The following NOL4 variants were observed in gnomAD, a reference collection of about 807,000 sequenced individuals.
NOL4 encodes the protein cancer/testis antigen 125.
Under a neutral mutation model 75.9 loss-of-function variants are expected in NOL4, and 17 were observed. The observed-to-expected ratio is 0.22, with a 90% confidence interval of 0.15 to 0.34. NOL4 has a LOEUF of 0.34. NOL4 is among the 10% of genes least tolerant of loss of function. The probability of loss-of-function intolerance (pLI) is 1.00; values close to 1 mark genes in which losing one functional copy is unlikely to be tolerated. For synonymous variants in NOL4, 292 were observed against 289.9 expected, an observed-to-expected ratio of 1.01 and a Z score of -0.07; for missense variants, 614 against 793.5, an observed-to-expected ratio of 0.77 and a Z score of 2.72.
At chr18:34,048,119 C>T (rs2076464124) in intron 5 of NOL4, among the ~76,000 whole-genome samples, 1 of 152,056 alleles carries the variant, frequency 6.6e-6, no homozygotes, top group Admixed American at 6.6e-5. Context: ...AATATTTTTT[C>T]TCTCTCTTGA....
chr18:34,095,195 G>A (rs528405429), intron 4 of NOL4, among the ~76,000 whole-genome samples: 12 of 150,888 alleles, frequency 8.0e-5, no homozygotes, highest in Non-Finnish European at 1.5e-4. Flanking sequence ...ACTTCTCTTA[G>A]TTGCATGCCC....
chr18:33,900,929 T>C lies in NOL4; in HGVS notation c.1543-17505A>G, dbSNP rs1427894639. 3.3e-5 allele frequency among the ~76,000 whole-genome samples: 5 copies of C among 152,296 alleles called. No homozygotes were observed. The East Asian group carries it at 9.7e-4, about 29-fold the overall frequency. On this transcript the variant is annotated intron_variant, in intron 9 of 10. Coordinates refer to ENST00000261592, the MANE Select transcript of NOL4 (RefSeq NM_003787.5). ...ATCTGTTTAGATGTGTTTATGTGTATGTAGATGCATTATTTGTTATGTCTA... is the reference window on the plus strand; with the variant it reads ...ATCTGTTTAGATGTGTTTATGTGTACGTAGATGCATTATTTGTTATGTCTA...
chr18:34,216,001 A>G (rs1385313436), intron 1 of NOL4, among the ~76,000 whole-genome samples: 2 of 152,138 alleles, frequency 1.3e-5, no homozygotes, highest in African/African-American at 2.4e-5. Context: ...TATTTCCAAA[A>G]ATTTTCCAAA....
intron 5 of NOL4, among the ~76,000 whole-genome samples, chr18:34,072,029 G>C (rs571627489): frequency 6.6e-6 from 1 of 152,076 alleles, no homozygotes; most frequent in African/African-American, 2.4e-5. Flanking sequence ...TCAGGAGTTC[G>C]AGACCAGCCT....
chr18:33,902,466 G>A (rs1046806553), intron 9 of NOL4, among the ~76,000 whole-genome samples: 16 of 152,064 alleles, frequency 1.1e-4, no homozygotes, highest in South Asian at 2.1e-4. Context: ...AGACTGATGC[G>A]GAAATGTTTT....
At chr18:34,150,229 G>T (rs1298545558) in intron 1 of NOL4, among the ~76,000 whole-genome samples, 1 of 151,550 alleles carries the variant, frequency 6.6e-6, no homozygotes, top group Non-Finnish European at 1.5e-5. Context: ...AAAATGTTGA[G>T]AATAGTGCCC....
intron 5 of NOL4, among the ~76,000 whole-genome samples, chr18:34,072,137 A>C (rs10221379): frequency 0.38 from 58,174 of 151,622 alleles, 11,605 homozygotes; most frequent in South Asian, 0.54. Context: ...AGGCTAAGGC[A>C]GGAGAATCGC....
At chr18:34,007,501 T>G (rs1285939342) in intron 6 of NOL4, among the ~76,000 whole-genome samples, 2 of 152,010 alleles carry the variant, frequency 1.3e-5, no homozygotes, top group Non-Finnish European at 2.9e-5. Context: ...AAGACAAGAC[T>G]AGATACTGAA....
chr18:33,914,957 G>C lies in NOL4; in HGVS notation c.1542+28108C>G, dbSNP rs561158463. 8.9e-4 allele frequency among the ~76,000 whole-genome samples: 136 copies of C among 152,162 alleles called. 1 individual carries two copies. Among genetic ancestry groups the C allele is most frequent in the African/African-American group, 3.1e-3 (129 of 41,536 alleles). On this transcript the variant is annotated intron_variant, in intron 9 of 10. Transcript: ENST00000261592. ...CACATTACAGATGGTATTGAAAGTGGTGGGACTACAGGAGAAAAGAGAAGA... is the reference window on the plus strand; with the variant it reads ...CACATTACAGATGGTATTGAAAGTGCTGGGACTACAGGAGAAAAGAGAAGA...
intron 6 of NOL4, among the ~76,000 whole-genome samples, chr18:33,994,378 G>A (rs1345443467): frequency 6.6e-6 from 1 of 151,838 alleles, no homozygotes; most frequent in Non-Finnish European, 1.5e-5. Context: ...AGTGCATGTG[G>A]ATCATTCTGC....
chr18:33,994,861 C>A (rs142592732), intron 6 of NOL4, among the ~76,000 whole-genome samples: 247 of 151,596 alleles, frequency 1.6e-3, no homozygotes, highest in African/African-American at 5.6e-3. Context: ...AAAGCTGGTT[C>A]TTTGAAAAGG....
At position 34,030,567 on chromosome 18, in the gene NOL4, T is replaced by C. The variant is rs1448675824; in HGVS notation, c.773-10966A>G. Among the ~76,000 whole-genome samples, 7 of 152,344 alleles carry C rather than the reference T, an allele frequency of 4.6e-5. No homozygotes were observed. The East Asian group carries it at 1.3e-3, about 29-fold the overall frequency. Reference sequence around the variant, plus strand: ...AAAAATTGGAATATTGAAATTGTTTTGTATTTGTTGATAGGAGAGACATGT... The same window carrying C: ...AAAAATTGGAATATTGAAATTGTTTCGTATTTGTTGATAGGAGAGACATGT... On this transcript the variant is annotated intron_variant, in intron 5 of 10. Coordinates refer to ENST00000261592, the MANE Select transcript of NOL4 (RefSeq NM_003787.5).
intron 6 of NOL4, among the ~76,000 whole-genome samples, chr18:33,982,909 C>T (rs1010707301): frequency 7.9e-5 from 12 of 151,848 alleles, no homozygotes; most frequent in Non-Finnish European, 1.2e-4. Context: ...TACCACCACA[C>T]GTGGCTAATA....
intron 9 of NOL4, among the ~76,000 whole-genome samples, chr18:33,931,079 A>G (rs1222269138): frequency 1.3e-5 from 2 of 152,198 alleles, no homozygotes; most frequent in Non-Finnish European, 2.9e-5. Flanking sequence ...GAAGAAAGGA[A>G]GGATGGAGGA....
intron 5 of NOL4, among the ~76,000 whole-genome samples, chr18:34,068,456 G>A (rs1291209838): frequency 6.6e-6 from 1 of 151,996 alleles, no homozygotes; most frequent in Non-Finnish European, 1.5e-5. Context: ...CTGGAGTGCA[G>A]TGGCGCGAGC....
intron 5 of NOL4, among the ~76,000 whole-genome samples, chr18:34,051,812 G>C (rs1259575071): frequency 6.6e-6 from 1 of 151,892 alleles, no homozygotes; most frequent in Non-Finnish European, 1.5e-5. Context: ...TTTCCGGCAG[G>C]GGAAATGAAT....
At chr18:33,931,799 T>A (rs1050799744) in intron 9 of NOL4, among the ~76,000 whole-genome samples, 1 of 152,060 alleles carries the variant, frequency 6.6e-6, no homozygotes, top group African/African-American at 2.4e-5. Flanking sequence ...AAAGCCTTTT[T>A]AGAATTTTCT....
At chr18:33,885,006 A>G (rs1321827463) in intron 9 of NOL4, among the ~76,000 whole-genome samples, 3 of 152,152 alleles carry the variant, frequency 2.0e-5, no homozygotes, top group Non-Finnish European at 4.4e-5. Flanking sequence ...TAGGCTTTCA[A>G]ATATTTTCAT....
chr18:33,887,579 C>T (rs1238750792), intron 9 of NOL4, among the ~76,000 whole-genome samples: 2 of 151,910 alleles, frequency 1.3e-5, no homozygotes, highest in East Asian at 1.9e-4. Flanking sequence ...CAGCCCCCAC[C>T]CCCTGACAGG....
Sources: gnomAD v4.1 joint callset for allele counts (sites outside exome capture counted in the v4.1 genomes callset) on GRCh38, gnomAD v4.1.1 for gene constraint, MANE v1.5 for transcripts, NCBI Gene and HGNC (gene_info 2026-07-23, HGNC 2026-07-21) for gene names.